Variants in SLC25A26 observed in about 807,000 individuals in gnomAD.
SLC25A26 encodes solute carrier family 25 member 26.
A neutral mutation model predicts 37.8 loss-of-function variants in SLC25A26; 36 were observed. That is an observed-to-expected ratio of 0.95 (90% CI 0.73 to 1.26). SLC25A26 has a LOEUF of 1.26. Ranked by LOEUF, SLC25A26 falls within the 50% of genes most tolerant of loss-of-function variation. SLC25A26 has a pLI of 0.00. For missense variants in SLC25A26, 390 were observed against 331.1 expected (o/e 1.18, Z -1.38); for synonymous variants, 129 against 122.5 (o/e 1.05, Z -0.35).
At chr3:66,341,153 T>C (rs1217640488) in intron 5 of SLC25A26, among the ~76,000 whole-genome samples, 1 of 152,160 alleles carries the variant, frequency 6.6e-6, no homozygotes, top group African/African-American at 2.4e-5. Flanking sequence ...CCTTACCTTA[T>C]TCATGATCTT....
At chr3:66,322,378 A>C (rs1463715836) in intron 5 of SLC25A26, among the ~76,000 whole-genome samples, 1 of 152,236 alleles carries the variant, frequency 6.6e-6, no homozygotes, top group Non-Finnish European at 1.5e-5. Context: ...CATATTTTCT[A>C]GTTTATGGGA....
chr3:66,377,056 GGA>G (rs1013537073), intron 9 of SLC25A26, among the ~76,000 whole-genome samples: 31 of 152,154 alleles, frequency 2.0e-4, no homozygotes, highest in African/African-American at 7.2e-4. Flanking sequence ...GTAGGTATGG[GGA>G]GGGGGGGCAG....
intron 5 of SLC25A26, among the ~76,000 whole-genome samples, chr3:66,301,888 T>C (rs980443150): frequency 1.3e-5 from 2 of 152,220 alleles, no homozygotes; most frequent in Non-Finnish European, 2.9e-5. Flanking sequence ...TTATTTAAAC[T>C]GACTTATTTT....
chr3:66,336,628 G>T (rs1228446257), intron 5 of SLC25A26, among the ~76,000 whole-genome samples: 2 of 152,166 alleles, frequency 1.3e-5, no homozygotes, highest in Non-Finnish European at 2.9e-5. Flanking sequence ...AAGGACTGAA[G>T]TCAGTACTGC....
At chr3:66,283,692 C>A (rs966592037) in intron 5 of SLC25A26, among the ~76,000 whole-genome samples, 1 of 152,146 alleles carries the variant, frequency 6.6e-6, no homozygotes, top group Non-Finnish European at 1.5e-5. Context: ...TGTAATAATA[C>A]CCCATAATGG....
chr3:66,201,227 A>G (rs1022505291), intron 1 of SLC25A26, among the ~76,000 whole-genome samples: 1 of 151,576 alleles, frequency 6.6e-6, no homozygotes. Context: ...TATTTTATAT[A>G]TACACTTCAT....
chr3:66,320,112 AAT>A (rs1327901805), intron 5 of SLC25A26, among the ~76,000 whole-genome samples: 1 of 152,204 alleles, frequency 6.6e-6, no homozygotes, highest in African/African-American at 2.4e-5. Flanking sequence ...TTTATTTAAA[AAT>A]ATATAAACTA....
chr3:66,155,729 A>G (rs963417750), intron 1 of SLC25A26, among the ~76,000 whole-genome samples: 2 of 152,188 alleles, frequency 1.3e-5, no homozygotes, highest in Non-Finnish European at 2.9e-5. Flanking sequence ...GGACTAGGTG[A>G]AAAACTGAAA....
At chr3:66,195,405 G>A (rs1421139322) in intron 1 of SLC25A26, among the ~76,000 whole-genome samples, 1 of 152,228 alleles carries the variant, frequency 6.6e-6, no homozygotes, top group African/African-American at 2.4e-5. Flanking sequence ...CCGCAGCCCC[G>A]GGAGTGCCTG....
At chr3:66,349,274 C>T (rs77004580) in intron 6 of SLC25A26, among the ~76,000 whole-genome samples, 6,188 of 151,818 alleles carry the variant, frequency 0.041, 419 homozygotes, top group African/African-American at 0.14. Flanking sequence ...TATGATAAAA[C>T]TCACCCTTTA....
At chr3:66,253,340 G>A (rs1236466495) in intron 3 of SLC25A26, among the ~76,000 whole-genome samples, 1 of 151,562 alleles carries the variant, frequency 6.6e-6, no homozygotes, top group South Asian at 2.1e-4. Flanking sequence ...GAACTTGGGA[G>A]GTGGAGCTTG....
chr3:66,281,800 A>C (rs914157823), intron 5 of SLC25A26, among the ~76,000 whole-genome samples: 6 of 146,378 alleles, frequency 4.1e-5, no homozygotes, highest in Admixed American at 2.7e-4. Context: ...TTCTGTGTTC[A>C]TGTGACATTT....
At chr3:66,305,838 A>G (rs988634334) in intron 5 of SLC25A26, among the ~76,000 whole-genome samples, 2 of 152,186 alleles carry the variant, frequency 1.3e-5, no homozygotes, top group African/African-American at 4.8e-5. Context: ...TTGCTGGGTC[A>G]AATGGTATTT....
intron 1 of SLC25A26, among the ~76,000 whole-genome samples, chr3:66,186,689 C>A (rs1269064747): frequency 3.9e-5 from 6 of 152,088 alleles, no homozygotes; most frequent in African/African-American, 1.4e-4. Flanking sequence ...CTGACCATAA[C>A]CCTGACCACC....
Position 66,144,847 on chromosome 3 carries a change from G to A in SLC25A26, c.-354+10863G>A, listed in dbSNP as rs72901252. On this transcript the variant is annotated intron_variant, in intron 1 of 10. Coordinates refer to the SLC25A26 transcript ENST00000676754. ...AAAACTCTAATAATCATAAAGTTCT[G>A]AGAAAATGTGGAGATCATGACTCTA... 5.7e-3 allele frequency among the ~76,000 whole-genome samples: 862 copies of A among 152,248 alleles called. 9 individuals are homozygous for A. Among genetic ancestry groups the A allele is most frequent in the African/African-American group, 0.02 (828 of 41,548 alleles).
chr3:66,277,810 C>A (rs559212345), intron 5 of SLC25A26, among the ~76,000 whole-genome samples: 1 of 151,832 alleles, frequency 6.6e-6, no homozygotes, highest in African/African-American at 2.4e-5. Flanking sequence ...TATAATGCAC[C>A]AAGAAGGACA....
intron 5 of SLC25A26, among the ~76,000 whole-genome samples, chr3:66,310,247 T>C (rs1465567860): frequency 6.6e-6 from 1 of 152,244 alleles, no homozygotes; most frequent in Non-Finnish European, 1.5e-5. Flanking sequence ...CCTTTGCCGT[T>C]ATGTAATGCC....
chr3:66,148,903 G>A (rs114044423), intron 1 of SLC25A26, among the ~76,000 whole-genome samples: 2,461 of 152,230 alleles, frequency 0.016, 39 homozygotes, highest in Middle Eastern at 0.048. Flanking sequence ...CTCAACATAG[G>A]AGCATTAGGG....
chr3:66,139,071 G>A (rs1326379621), intron 1 of SLC25A26, among the ~76,000 whole-genome samples: 2 of 148,256 alleles, frequency 1.3e-5, no homozygotes, highest in Non-Finnish European at 3.0e-5. Flanking sequence ...CTCTGCCCCA[G>A]GAGAATGAAA....
Sources: gnomAD v4.1 joint callset for allele counts (sites outside exome capture counted in the v4.1 genomes callset) on GRCh38, gnomAD v4.1.1 for gene constraint, MANE v1.5 for transcripts, NCBI Gene and HGNC (gene_info 2026-07-23, HGNC 2026-07-21) for gene names.